The following CACNA1C variants were observed in gnomAD, a reference collection of about 807,000 sequenced individuals.
CACNA1C encodes the protein voltage-dependent L-type calcium channel subunit alpha-1C.
CACNA1C carries 30 observed loss-of-function variants against 229.0 expected under a neutral mutation model. The observed-to-expected ratio is 0.13, with a 90% CI of 0.10 to 0.18. CACNA1C has a LOEUF of 0.18. Ranked by LOEUF, CACNA1C falls within the 10% of genes least tolerant of loss-of-function variation. The probability of loss-of-function intolerance (pLI) is 1.00; values close to 1 mark genes in which losing one functional copy is unlikely to be tolerated. For synonymous variants in CACNA1C, 1,114 were observed against 1,132.5 expected (o/e 0.98, Z 0.33); for missense variants, 1,658 against 2,845.0 (o/e 0.58, Z 9.49).
At chr12:2,569,772 A>G (rs1464381749) in intron 13 of CACNA1C, among the ~76,000 whole-genome samples, 1 of 152,162 alleles carries the variant, frequency 6.6e-6, no homozygotes, top group Non-Finnish European at 1.5e-5. Flanking sequence ...AAGTCTTCCT[A>G]TAGATGTAGG....
rs893400572 is a variant in CACNA1C, at chr12:2,679,172, G to A, written c.5092-272G>A. 1.3e-5 allele frequency among the ~76,000 whole-genome samples: 2 copies of A among 152,178 alleles called. No individual in the cohort carries two copies. Among genetic ancestry groups the A allele is most frequent in the Non-Finnish European group, 2.9e-5 (2 of 68,014 alleles). ...CAGCTCGTACCAGCGGCAGCCCCTT[G>A]CCCAATCCCATCCCCACTGGTGGGT... On this transcript the variant is annotated intron_variant, in intron 41 of 46. Coordinates refer to ENST00000399655, the MANE Select transcript of CACNA1C (RefSeq NM_000719.7). The surrounding 1 kb of genome is among the most constrained non-coding windows in gnomAD (Gnocchi z 5.5).
intron 28 of CACNA1C, 67 bp downstream of exon 28, chr12:2,610,766 A>G (rs2077260684): frequency 6.5e-7 from 1 of 1,547,262 alleles, no homozygotes; most frequent in Admixed American, 1.7e-5. Context: ...TGGAAAGTGT[A>G]ACGGAGCGGC....
intron 3 of CACNA1C, among the ~76,000 whole-genome samples, chr12:2,360,668 C>A (rs901711821): frequency 6.6e-6 from 1 of 152,192 alleles, no homozygotes; most frequent in Non-Finnish European, 1.5e-5. Context: ...TACCTCTCCC[C>A]GTTGCAGTTT....
chr12:2,585,323 C>G lies in CACNA1C; in HGVS notation c.2340-53C>G. ...CAGGGCGGTTCCCTCCTACACTGTT[C>G]CCTATCACTCCAGTAAACAGCCATT... On this transcript the variant is annotated intron_variant, in intron 16 of 46. Transcript: ENST00000399655. The surrounding 1 kb of genome is among the most constrained non-coding windows in gnomAD (Gnocchi z 4.1). The G allele has an allele frequency of 6.3e-7, 1 of 1,581,058 alleles. No homozygotes were observed. Among genetic ancestry groups the G allele is most frequent in the Non-Finnish European group, 8.6e-7 (1 of 1,162,970 alleles).
chr12:2,348,415 C>T lies in CACNA1C; in HGVS notation c.478-100561C>T, dbSNP rs867336657. Among the ~76,000 whole-genome samples the T allele has an allele frequency of 3.3e-5, 5 of 152,294 alleles. No individual in the cohort carries two copies. Among genetic ancestry groups the T allele is most frequent in the Middle Eastern group, 3.4e-3 (1 of 294 alleles). On this transcript the variant is annotated intron_variant, in intron 3 of 46. Coordinates refer to ENST00000399655, the MANE Select transcript of CACNA1C (RefSeq NM_000719.7). This position sits in a 1 kb window ranked among gnomAD's most constrained non-coding sequence, Gnocchi z 4.7. ...TTCTTAGCAACTTAGTCAATCCAAA[C>T]GTGGAGGTGATTGGCATATGTAAGA...
At chr12:2,401,796 G>T (rs1167390976) in intron 3 of CACNA1C, among the ~76,000 whole-genome samples, 1 of 152,244 alleles carries the variant, frequency 6.6e-6, no homozygotes, top group African/African-American at 2.4e-5. Context: ...AGTAAGCACT[G>T]AATGTTGTAA....
intron 39 of CACNA1C, chr12:2,676,309 AG>A (rs2096811809): frequency 2.0e-5 from 3 of 152,146 alleles, no homozygotes. Context: ...GCTATTTTGG[AG>A]GGACAGGTAG....
intron 1 of CACNA1C, among the ~76,000 whole-genome samples, chr12:2,112,237 C>T (rs2082045516): frequency 6.6e-6 from 1 of 152,192 alleles, no homozygotes; most frequent in African/African-American, 2.4e-5. Context: ...AAGCAGTTCT[C>T]ATGCTTTGGG....
In CACNA1C at chr12:2,651,825, G is replaced by A; in HGVS notation, c.4074+57G>A. 1 of 1,397,276 alleles carries A rather than the reference G, an allele frequency of 7.2e-7. No individual in the cohort carries two copies. The highest frequency in any genetic ancestry group is 1.3e-5 in the South Asian group (1 of 74,868). The allele number at this position is 1,397,276 out of a possible 1,614,324, so 86.6% of individuals were successfully genotyped here. On this transcript the variant is annotated intron_variant, in intron 32 of 46. Transcript: ENST00000399655. This position sits in a 1 kb window ranked among gnomAD's most constrained non-coding sequence, Gnocchi z 5.4. ...AATCGCAGGGCTGCCGCGTGGCCCA[G>A]AACACAGCTGACACAAGGAGGAGCC...
At position 2,677,907 on chromosome 12, in the gene CACNA1C, T is replaced by C. The variant is rs1252249329; in HGVS notation, c.5091+40T>C. ...GGCGCACTCTCGACCCCTATAAAGTTCAGTTTGGAGCAAGAGGTTGGGCTG... is the reference window on the plus strand; with the variant it reads ...GGCGCACTCTCGACCCCTATAAAGTCCAGTTTGGAGCAAGAGGTTGGGCTG... On this transcript the variant is annotated intron_variant, in intron 41 of 46. Transcript: ENST00000399655. The surrounding 1 kb of genome is among the most constrained non-coding windows in gnomAD (Gnocchi z 7.4). 2 of 1,608,366 alleles carry C rather than the reference T, an allele frequency of 1.2e-6. No homozygotes were observed. Among genetic ancestry groups the C allele is most frequent in the African/African-American group, 2.7e-5 (2 of 74,800 alleles).
Position 2,691,126 on chromosome 12 carries a change from G to A in CACNA1C, c.6344G>A (p.Gly2115Asp), listed in dbSNP as rs199694744. 2.5e-6 allele frequency: 4 copies of A among 1,608,994 alleles called. No individual in the cohort carries two copies. The African/African-American group carries it at 4.0e-5, about 16-fold the overall frequency. Reference protein sequence around the residue: ...QDRAGGEEDAGCVRARGRPSE... With the variant: ...QDRAGGEEDADCVRARGRPSE... Reference sequence around the variant, plus strand: ...CGAGCCGGGGGCGAAGAGGACGCGGGCTGTGTGCGCGCGCGGGGTCGACCG... The same window carrying A: ...CGAGCCGGGGGCGAAGAGGACGCGGACTGTGTGCGCGCGCGGGGTCGACCG... Residue 2115 changes from glycine (G) to aspartate (D), a missense_variant, in exon 47 of 47, where the codon GGC becomes GAC. This residue lies in a region of CACNA1C where 590 missense variants were observed against 700.8 expected (regional missense o/e 0.84). Transcript: ENST00000399655.
At chr12:2,423,752 T>C (rs914903640) in intron 3 of CACNA1C, among the ~76,000 whole-genome samples, 5 of 152,188 alleles carry the variant, frequency 3.3e-5, no homozygotes, top group Non-Finnish European at 7.4e-5. Flanking sequence ...TTAGGATTTA[T>C]ATCCACAGGT....
At chr12:2,524,313 T>C (rs1489897277) in intron 9 of CACNA1C, among the ~76,000 whole-genome samples, 2 of 152,226 alleles carry the variant, frequency 1.3e-5, no homozygotes, top group Non-Finnish European at 2.9e-5. Flanking sequence ...ACACCGTCTC[T>C]GTCCTAAGGG....
At chr12:1,995,703 C>CCCCAAA (rs1370750543) in intron 1 of CACNA1C, among the ~76,000 whole-genome samples, 1 of 152,266 alleles carries the variant, frequency 6.6e-6, no homozygotes, top group Non-Finnish European at 1.5e-5. Flanking sequence ...CCTCTCTGTG[C>CCCCAAA]TGTTCTAGTC....
At chr12:2,184,214 T>C (rs1379058899) in intron 3 of CACNA1C, among the ~76,000 whole-genome samples, 1 of 152,232 alleles carries the variant, frequency 6.6e-6, no homozygotes, top group Non-Finnish European at 1.5e-5. Flanking sequence ...GCTCTGTGTT[T>C]AGCAGCCGAA....
intron 3 of CACNA1C, among the ~76,000 whole-genome samples, chr12:2,182,792 T>G (rs2096880786): frequency 6.6e-6 from 1 of 152,120 alleles, no homozygotes; most frequent in South Asian, 2.1e-4. Context: ...ACGGCCATCC[T>G]GATGAAGGCA....
At chr12:2,028,791 A>AT (rs75933445) in intron 1 of CACNA1C, among the ~76,000 whole-genome samples, 41,884 of 152,116 alleles carry the variant, frequency 0.28, 6,475 homozygotes, top group East Asian at 0.73. Context: ...CGATTGTAAA[A>AT]GGCTGTGATG....
intron 3 of CACNA1C, among the ~76,000 whole-genome samples, chr12:2,366,156 G>A (rs946535470): frequency 3.3e-5 from 5 of 152,170 alleles, no homozygotes; most frequent in Admixed American, 6.5e-5. Context: ...CACAAGCTCT[G>A]GGAGCTGCAA....
chr12:2,545,581 C>T (rs183495672), intron 9 of CACNA1C, among the ~76,000 whole-genome samples: 2 of 152,066 alleles, frequency 1.3e-5, no homozygotes, highest in African/African-American at 4.8e-5. Flanking sequence ...AACATCCTTT[C>T]CATAGTCTAA....
Sources: gnomAD v4.1 joint callset for allele counts (sites outside exome capture counted in the v4.1 genomes callset) on GRCh38, gnomAD v4.1.1 for gene constraint, gnomAD v4.1.1 regional missense constraint, Gnocchi (gnomAD v3.1) non-coding constraint, MANE v1.5 for transcripts, NCBI Gene and HGNC (gene_info 2026-07-23, HGNC 2026-07-21) for gene names.